Variants in SLC25A48 observed in about 807,000 individuals in gnomAD.
The protein encoded by SLC25A48 is solute carrier family 25 member 48.
SLC25A48 carries 29 observed loss-of-function variants against 32.2 expected under a neutral mutation model. That is an observed-to-expected ratio of 0.90 (90% CI 0.67 to 1.23). The LOEUF (loss-of-function observed/expected upper bound fraction) is 1.23. SLC25A48 is among the 50% of genes most tolerant of loss of function. The pLI is 0.00. For synonymous variants in SLC25A48, 164 were observed against 172.3 expected (o/e 0.95, Z 0.38); for missense variants, 399 against 422.7 (o/e 0.94, Z 0.49).
chr5:135,628,060 G>A (rs1185069072), intron 1 of SLC25A48, among the ~76,000 whole-genome samples: 1 of 152,148 alleles, frequency 6.6e-6, no homozygotes, highest in Non-Finnish European at 1.5e-5. Context: ...AGTTGGAGAG[G>A]GAAGCCTCCT....
chr5:135,724,286 G>A (rs951655387), intron 3 of SLC25A48, among the ~76,000 whole-genome samples: 1 of 152,208 alleles, frequency 6.6e-6, no homozygotes, highest in Non-Finnish European at 1.5e-5. Flanking sequence ...TACAAATGAG[G>A]AAACTGAGGC....
chr5:135,663,812 C>T (rs1036810750), intron 3 of SLC25A48, among the ~76,000 whole-genome samples: 7 of 152,252 alleles, frequency 4.6e-5, no homozygotes, highest in African/African-American at 1.4e-4. Flanking sequence ...TCCTGGGAGT[C>T]CTTTTGGCCT....
rs747189449 is a variant in SLC25A48, at chr5:135,629,767, C to G, written c.-709+391C>G. On this transcript the variant is annotated intron_variant, in intron 2 of 10. Transcript: ENST00000646290. This position sits in a 1 kb window ranked among gnomAD's most constrained non-coding sequence, Gnocchi z 4.8. ...CATCCATCATGGGTGGAGGGTTGCT[C>G]TCAGTGGTAGGGCATGTTAACTCTC... Among the ~76,000 whole-genome samples, 6 of 152,180 alleles carry G rather than the reference C, an allele frequency of 3.9e-5. No homozygotes were observed. Among genetic ancestry groups the G allele is most frequent in the Non-Finnish European group, 7.4e-5 (5 of 68,022 alleles).
Position 135,834,855 on chromosome 5 carries a change from G to A in SLC25A48, c.8G>A (p.Ser3Asn), listed in dbSNP as rs1417417028. ...CGAGACCGAGCGCCGGCCATGGGAA[G>A]CTTCCAGCTGGAAGACTTTGCGGCG... MG[S>N]FQLEDFAAGW... The change falls in exon 1 of 8, where the codon AGC (serine) becomes AAC (asparagine). Residue 3 changes from serine to asparagine, a missense_variant. Ser to Asn is a conservative substitution (Grantham distance 46, BLOSUM62 1). Transcript: ENST00000681962. The A allele has an allele frequency of 3.1e-6, 5 of 1,601,708 alleles. No homozygotes were observed. In the South Asian group the frequency reaches 3.4e-5, roughly 11 times the overall value.
At chr5:135,834,466 AC>A (rs1162808421), upstream of SLC25A48, among the ~76,000 whole-genome samples, 1 of 152,258 alleles carries the variant, frequency 6.6e-6, no homozygotes, top group Admixed American at 6.5e-5. Context: ...GGCGGCTGGC[AC>A]TTTCAGTTCA....
intron 7 of SLC25A48, among the ~76,000 whole-genome samples, chr5:135,884,297 CTCTTCGGTGTGAAACCTGTT>C (rs1762645443): frequency 6.6e-6 from 1 of 152,192 alleles, no homozygotes; most frequent in Non-Finnish European, 1.5e-5. Flanking sequence ...AGTGTTCCGT[CTCTTCGGTGTGAAACCTGTT>C]ACTGGAGCGG....
chr5:135,584,820 G>A (rs571538170), intron 1 of SLC25A48, among the ~76,000 whole-genome samples: 48 of 152,256 alleles, frequency 3.2e-4, no homozygotes, highest in Non-Finnish European at 5.6e-4. Flanking sequence ...TGTAAACACT[G>A]TGATTATAAG....
At chr5:135,616,272 CA>C (rs1752190064) in intron 1 of SLC25A48, among the ~76,000 whole-genome samples, 2 of 152,162 alleles carry the variant, frequency 1.3e-5, no homozygotes, top group African/African-American at 4.8e-5. Context: ...ATGGAAGCCA[CA>C]CTGACAGCTT....
chr5:135,618,906 CT>C (rs35210554), intron 1 of SLC25A48, among the ~76,000 whole-genome samples: 8,939 of 143,434 alleles, frequency 0.062, 842 homozygotes, highest in African/African-American at 0.21. Flanking sequence ...ATGCCTTTCT[CT>C]TTTTTTTTTT....
Position 135,607,437 on chromosome 5 carries a change from G to A in SLC25A48, c.-848-21800G>A, listed in dbSNP as rs1751965007. ...TCATCTTCCTACTCATGGAATTTCA[G>A]CACCTGCTTGTGCCAGATGCTGTGT... On this transcript the variant is annotated intron_variant, in intron 1 of 10. Transcript: ENST00000646290. Among the ~76,000 whole-genome samples, 3 of 152,296 alleles carry A rather than the reference G, an allele frequency of 2.0e-5. No homozygotes were observed. In the South Asian group the frequency reaches 6.2e-4, roughly 32 times the overall value.
intron 3 of SLC25A48, among the ~76,000 whole-genome samples, chr5:135,654,260 C>T (rs933420169): frequency 2.6e-5 from 4 of 152,118 alleles, no homozygotes; most frequent in African/African-American, 9.7e-5. Context: ...GCAACTGTAG[C>T]CTGTTGGAGA....
intron 1 of SLC25A48, among the ~76,000 whole-genome samples, chr5:135,625,462 C>G (rs929202213): frequency 1.1e-4 from 16 of 152,070 alleles, no homozygotes; most frequent in African/African-American, 3.9e-4. Context: ...AGCTCTTGGT[C>G]AGGGTCCTTC....
chr5:135,872,782 C>CTACTCCTCCTCCCTCTCT (rs1280004863), intron 5 of SLC25A48: 1 of 152,568 alleles, frequency 6.6e-6, no homozygotes, highest in African/African-American at 2.4e-5. Context: ...CCTCCTCCTC[C>CTACTCCTCCTCCCTCTCT]TGCTCCTCCT....
At chr5:135,739,888 T>C (rs77860094) in intron 3 of SLC25A48, among the ~76,000 whole-genome samples, 1,749 of 152,266 alleles carry the variant, frequency 0.011, 30 homozygotes, top group African/African-American at 0.04. Flanking sequence ...TAGACAGGCA[T>C]GCAGCAAAGA....
At position 135,811,463 on chromosome 5, in the gene SLC25A48, C is replaced by T. The variant is rs184894067; in HGVS notation, c.-520-1060C>T. Among the ~76,000 whole-genome samples the T allele has an allele frequency of 5.9e-5, 9 of 152,126 alleles. 1 individual carries two copies. The highest frequency in any genetic ancestry group is 3.3e-4 in the Admixed American group (5 of 15,254). ...GGTCGAAGGGTACAAAATTTCAGTT[C>T]GTCAGGAGGAATAAGTTCCAGAGAT... is the stretch of plus-strand genomic sequence containing the variant. On this transcript the variant is annotated intron_variant, in intron 3 of 10. Transcript: ENST00000646290.
At chr5:135,718,163 A>C (rs993690176) in intron 3 of SLC25A48, among the ~76,000 whole-genome samples, 3 of 151,968 alleles carry the variant, frequency 2.0e-5, no homozygotes, top group African/African-American at 7.3e-5. Context: ...GCGTACCACC[A>C]TGCCTGGCTA....
At chr5:135,725,090 A>G (rs1027672641) in intron 3 of SLC25A48, among the ~76,000 whole-genome samples, 1 of 152,238 alleles carries the variant, frequency 6.6e-6, no homozygotes, top group Non-Finnish European at 1.5e-5. Context: ...TGATGACCAT[A>G]CCTTTCCTGG....
intron 3 of SLC25A48, among the ~76,000 whole-genome samples, chr5:135,712,358 CTG>C (rs1163733820): frequency 6.6e-6 from 1 of 152,182 alleles, no homozygotes; most frequent in Non-Finnish European, 1.5e-5. Flanking sequence ...TCTGAGTTTT[CTG>C]TGTCTTTCAA....
intron 7 of SLC25A48, among the ~76,000 whole-genome samples, chr5:135,886,588 A>AATATATATATATAT (rs147005349): frequency 1.7e-4 from 6 of 35,438 alleles, no homozygotes; most frequent in South Asian, 8.2e-4. Context: ...TATTTAACCA[A>AATATATATATATAT]ATATATATAT....
Sources: gnomAD v4.1 joint callset for allele counts (sites outside exome capture counted in the v4.1 genomes callset) on GRCh38, gnomAD v4.1.1 for gene constraint, Gnocchi (gnomAD v3.1) non-coding constraint, MANE v1.5 for transcripts, NCBI Gene and HGNC (gene_info 2026-07-23, HGNC 2026-07-21) for gene names.